The following PCDHGB2 variants were observed in gnomAD, a reference collection of about 807,000 sequenced individuals.
PCDHGB2 encodes protocadherin gamma-B2.
In PCDHGB2, 55 loss-of-function variants were observed where a neutral mutation model predicts 59.3. That is an observed-to-expected ratio of 0.93 (90% CI 0.75 to 1.16). The LOEUF (loss-of-function observed/expected upper bound fraction) is 1.16. Among genes scored for constraint, PCDHGB2 ranks in the 50% most tolerant of loss-of-function variants. The probability of loss-of-function intolerance (pLI) is 0.00; values close to 1 mark genes in which losing one functional copy is unlikely to be tolerated. For synonymous variants in PCDHGB2, 516 were observed against 512.0 expected, an observed-to-expected ratio of 1.01 and a Z score of -0.11; for missense variants, 1,228 against 1,198.5, an observed-to-expected ratio of 1.02 and a Z score of -0.36.
intron 1 of PCDHGB2, chr5:141,374,429 C>A: frequency 6.2e-7 from 1 of 1,613,972 alleles, no homozygotes. Context: ...TAAACTGAAT[C>A]TTTATCCCGT....
intron 1 of PCDHGB2, chr5:141,383,173 C>A (rs1481900327): frequency 1.2e-6 from 2 of 1,614,064 alleles, no homozygotes; most frequent in South Asian, 1.1e-5. Context: ...CAGGATAGAC[C>A]GGGAAGAGAT....
chr5:141,374,993 TC>T, intron 1 of PCDHGB2: 1 of 1,614,056 alleles, frequency 6.2e-7, no homozygotes, highest in Non-Finnish European at 8.5e-7. Context: ...AATTTCAACT[TC>T]TGCAAATCTA....
At chr5:141,422,762 C>T in intron 1 of PCDHGB2, 1 of 1,613,392 alleles carries the variant, frequency 6.2e-7, no homozygotes. Flanking sequence ...AACTCCAACA[C>T]TGGTGTTCTC....
intron 1 of PCDHGB2, chr5:141,374,861 C>T (rs1252622215): frequency 1.9e-6 from 3 of 1,613,638 alleles, no homozygotes; most frequent in Non-Finnish European, 2.5e-6. Flanking sequence ...AGTAGGCACA[C>T]CAGTGTTGGC....
intron 1 of PCDHGB2, chr5:141,382,820 A>T (rs1369130732): frequency 3.1e-6 from 4 of 1,304,848 alleles, no homozygotes; most frequent in Non-Finnish European, 4.2e-6. Context: ...CCTTCCTAAG[A>T]CAGAGGGGTC....
At chr5:141,467,630 T>A (rs1483747040) in intron 1 of PCDHGB2, among the ~76,000 whole-genome samples, 2 of 152,194 alleles carry the variant, frequency 1.3e-5, no homozygotes, top group African/African-American at 4.8e-5. Flanking sequence ...TGAGATAGCA[T>A]CTTTATCATG....
intron 1 of PCDHGB2, among the ~76,000 whole-genome samples, chr5:141,466,724 A>G (rs2099128017): frequency 6.6e-6 from 1 of 152,148 alleles, no homozygotes. Flanking sequence ...TTTCCATTTT[A>G]GCAGAATTCA....
intron 1 of PCDHGB2, among the ~76,000 whole-genome samples, chr5:141,474,404 G>A (rs1014003488): frequency 4.6e-5 from 7 of 152,156 alleles, no homozygotes; most frequent in East Asian, 1.9e-4. Context: ...CAAGCTCCCC[G>A]GTGATGCCTA....
intron 1 of PCDHGB2, chr5:141,418,727 C>T: frequency 6.2e-7 from 1 of 1,613,976 alleles, no homozygotes; most frequent in Non-Finnish European, 8.5e-7. Flanking sequence ...CAAAGCTCAG[C>T]ACGTGTTCTC....
Position 141,431,132 on chromosome 5 carries a change from G to A in PCDHGB2, c.2422-63675G>A. On this transcript the variant is annotated intron_variant, in intron 1 of 3. Coordinates refer to ENST00000522605, the MANE Select transcript of PCDHGB2 (RefSeq NM_018923.3). This position sits in a 1 kb window ranked among gnomAD's most constrained non-coding sequence, Gnocchi z 4.8. ...ATATGGAGTAGAAGTAGAAGTAAGGGACATTAACGACAATGCGCCTTACTT... is the reference window on the plus strand; with the variant it reads ...ATATGGAGTAGAAGTAGAAGTAAGGAACATTAACGACAATGCGCCTTACTT... 2 of 1,614,232 alleles carry A rather than the reference G, an allele frequency of 1.2e-6. No individual in the cohort carries two copies. The highest frequency in any genetic ancestry group is 8.5e-7 in the Non-Finnish European group (1 of 1,180,024).
intron 1 of PCDHGB2, chr5:141,409,586 G>C: frequency 6.2e-7 from 1 of 1,613,908 alleles, no homozygotes; most frequent in Non-Finnish European, 8.5e-7. Flanking sequence ...GGTCCACGTG[G>C]CCGAGAACAA....
At chr5:141,410,767 G>T in intron 1 of PCDHGB2, 6 of 942,270 alleles carry the variant, frequency 6.4e-6, no homozygotes, top group South Asian at 2.2e-5. Context: ...TTCAATTATA[G>T]TTTTCACTAT....
intron 1 of PCDHGB2, among the ~76,000 whole-genome samples, chr5:141,473,413 G>A (rs1282997381): frequency 6.6e-6 from 1 of 152,156 alleles, no homozygotes; most frequent in Non-Finnish European, 1.5e-5. Context: ...CTTCTTCAGT[G>A]GGGGAAGCAG....
At chr5:141,498,372 C>A (rs1008996197) in intron 2 of PCDHGB2, among the ~76,000 whole-genome samples, 3 of 151,730 alleles carry the variant, frequency 2.0e-5, no homozygotes, top group Admixed American at 1.3e-4. Flanking sequence ...GTGGTGAGGC[C>A]TCCTGGGATC....
chr5:141,491,666 G>A lies in PCDHGB2; in HGVS notation c.2422-3141G>A, dbSNP rs373526771. 9.4e-5 allele frequency: 152 copies of A among 1,613,614 alleles called. No homozygotes were observed. The highest frequency in any genetic ancestry group is 1.2e-4 in the Non-Finnish European group (142 of 1,180,016). The stretch of plus-strand genomic sequence containing the variant: ...CTGGCGCTGGAGCCTGACGCCATCC[G>A]GTCCCGCTCTAATACGCTGCGGGAG... On this transcript the variant is annotated intron_variant, in intron 1 of 3. Coordinates refer to ENST00000522605, the MANE Select transcript of PCDHGB2 (RefSeq NM_018923.3). This position sits in a 1 kb window ranked among gnomAD's most constrained non-coding sequence, Gnocchi z 6.9.
In PCDHGB2 at chr5:141,370,450, T is replaced by A. The variant is rs1472088781; in HGVS notation, c.2421+7894T>A. On this transcript the variant is annotated intron_variant, in intron 1 of 3. Transcript: ENST00000522605. The stretch of plus-strand genomic sequence containing the variant: ...GCAGGGCAGAGGCGAATGCTATTTC[T>A]CTTCCTGCTCTCTTTGTTAGACCAG... 2.5e-6 allele frequency: 4 copies of A among 1,609,450 alleles called. No homozygotes were observed. The African/African-American group carries it at 5.4e-5, about 22-fold the overall frequency.
At chr5:141,387,089 G>A (rs1034064461) in intron 1 of PCDHGB2, among the ~76,000 whole-genome samples, 1 of 152,162 alleles carries the variant, frequency 6.6e-6, no homozygotes, top group Non-Finnish European at 1.5e-5. Flanking sequence ...TGTGATCATC[G>A]AAATGAGAAT....
intron 1 of PCDHGB2, chr5:141,366,251 A>T: frequency 6.2e-7 from 1 of 1,613,620 alleles, no homozygotes; most frequent in East Asian, 2.2e-5. Flanking sequence ...GCTCAAGCAG[A>T]GCCTCGTGGT....
chr5:141,376,183 C>A, intron 1 of PCDHGB2: 1 of 1,614,148 alleles, frequency 6.2e-7, no homozygotes, highest in Non-Finnish European at 8.5e-7. Flanking sequence ...TGGCCGCGGT[C>A]TCCTGCGTCT....
Sources: gnomAD v4.1 joint callset for allele counts (sites outside exome capture counted in the v4.1 genomes callset) on GRCh38, gnomAD v4.1.1 for gene constraint, Gnocchi (gnomAD v3.1) non-coding constraint, MANE v1.5 for transcripts, NCBI Gene and HGNC (gene_info 2026-07-23, HGNC 2026-07-21) for gene names.